The following RPRD1A variants were observed in gnomAD, a reference collection of about 807,000 sequenced individuals.
The protein encoded by RPRD1A is regulation of nuclear pre-mRNA domain-containing protein 1A.
Under a neutral mutation model 37.8 loss-of-function variants are expected in RPRD1A, and 9 were observed. The observed-to-expected ratio is 0.24, with a 90% CI of 0.14 to 0.42. The LOEUF is 0.42. Ranked by LOEUF, RPRD1A falls within the 10% of genes least tolerant of loss-of-function variation. The pLI is 1.00. For synonymous variants in RPRD1A, 138 were observed against 139.7 expected, an observed-to-expected ratio of 0.99 and a Z score of 0.08; for missense variants, 255 against 371.0, an observed-to-expected ratio of 0.69 and a Z score of 2.57.
chr18:36,045,426 G>A (rs949015237), intron 1 of RPRD1A, among the ~76,000 whole-genome samples: 7 of 152,132 alleles, frequency 4.6e-5, no homozygotes, highest in Non-Finnish European at 8.8e-5. Context: ...AAGAAAGCTT[G>A]TTAAAACAGA....
intron 6 of RPRD1A, among the ~76,000 whole-genome samples, chr18:36,003,692 T>C (rs1012338125): frequency 6.6e-6 from 1 of 152,236 alleles, no homozygotes; most frequent in Non-Finnish European, 1.5e-5. Flanking sequence ...AAAACTTCCA[T>C]ATTCTGCTCT....
intron 1 of RPRD1A, among the ~76,000 whole-genome samples, chr18:36,051,990 C>T (rs1913427827): frequency 6.6e-6 from 1 of 152,020 alleles, no homozygotes; most frequent in African/African-American, 2.4e-5. Flanking sequence ...TAACAAACTT[C>T]AAGCAAGATA....
At chr18:35,995,826 T>C (rs1201016329) in intron 6 of RPRD1A, among the ~76,000 whole-genome samples, 1 of 152,218 alleles carries the variant, frequency 6.6e-6, no homozygotes, top group Non-Finnish European at 1.5e-5. Context: ...TTGACAGTAT[T>C]TCCTTTGACA....
rs1406213229 is a variant in RPRD1A at position 35,990,771 on chromosome 18, A to G, written c.*2380T>C. 6.6e-6 allele frequency: 1 copy of G among 152,118 alleles called. No individual in the cohort carries two copies. The highest frequency in any genetic ancestry group is 1.5e-5 in the Non-Finnish European group (1 of 68,016). 9.4% of individuals were successfully genotyped at this position (152,118 alleles called of 1,614,324 possible). On this transcript the variant is annotated 3_prime_UTR_variant, in exon 7 of 7. Transcript: ENST00000399022. ...TTTGGTATTATAATACCCCCAACTA[A>G]TCCCATTTCTTGAGAAAATGAAGTC...
chr18:36,005,150 A>C (rs1420889583), intron 6 of RPRD1A, among the ~76,000 whole-genome samples: 2 of 151,928 alleles, frequency 1.3e-5, no homozygotes, highest in African/African-American at 4.8e-5. Context: ...AAATACAAAA[A>C]ATTCTCTGGG....
At chr18:36,023,693 C>T (rs1484991564) in intron 6 of RPRD1A, among the ~76,000 whole-genome samples, 1 of 152,278 alleles carries the variant, frequency 6.6e-6, no homozygotes, top group East Asian at 1.9e-4. Context: ...ACTGCCATAG[C>T]CACATCCTTC....
chr18:36,035,905 T>C (rs1302056899), intron 1 of RPRD1A, among the ~76,000 whole-genome samples: 2 of 151,070 alleles, frequency 1.3e-5, no homozygotes, highest in Non-Finnish European at 2.9e-5. Context: ...AAAAAAAGAG[T>C]AGAAGGATAG....
intron 6 of RPRD1A, chr18:36,026,698 C>A: frequency 7.0e-6 from 3 of 427,306 alleles, no homozygotes; most frequent in Admixed American, 3.9e-5. Flanking sequence ...TTGCTAATTC[C>A]AAATTTCTAA....
At chr18:36,039,211 G>A (rs1912412026) in intron 1 of RPRD1A, among the ~76,000 whole-genome samples, 1 of 152,154 alleles carries the variant, frequency 6.6e-6, no homozygotes, top group South Asian at 2.1e-4. Context: ...GGGGCCTGGT[G>A]GGTGCCATGA....
At chr18:36,006,982 T>A (rs1909786167) in intron 6 of RPRD1A, among the ~76,000 whole-genome samples, 1 of 152,220 alleles carries the variant, frequency 6.6e-6, no homozygotes, top group African/African-American at 2.4e-5. Flanking sequence ...TGAATAAAGC[T>A]GTATTATGTG....
intron 2 of RPRD1A, among the ~76,000 whole-genome samples, chr18:36,033,377 G>C (rs984170692): frequency 6.7e-6 from 1 of 148,154 alleles, no homozygotes; most frequent in Non-Finnish European, 1.5e-5. Flanking sequence ...AAGACTGATA[G>C]CTTTATAAAC....
At chr18:36,061,768 T>C (rs1329461042) in intron 1 of RPRD1A, among the ~76,000 whole-genome samples, 1 of 152,152 alleles carries the variant, frequency 6.6e-6, no homozygotes, top group Non-Finnish European at 1.5e-5. Context: ...GTACCTAGAA[T>C]ACATTGGGAA....
At chr18:36,044,164 G>A (rs975229721) in intron 1 of RPRD1A, among the ~76,000 whole-genome samples, 9 of 152,096 alleles carry the variant, frequency 5.9e-5, no homozygotes, top group South Asian at 2.1e-4. Flanking sequence ...GAAGAGGAGC[G>A]GTTGGTCTTG....
chr18:36,030,542 T>C (rs1014041686), intron 4 of RPRD1A, among the ~76,000 whole-genome samples: 18 of 152,228 alleles, frequency 1.2e-4, no homozygotes, highest in African/African-American at 4.3e-4. Flanking sequence ...AAAGTTTAAA[T>C]AGCTAACATC....
chr18:35,997,964 T>C (rs1047383805), intron 6 of RPRD1A, among the ~76,000 whole-genome samples: 1 of 152,242 alleles, frequency 6.6e-6, no homozygotes, highest in East Asian at 1.9e-4. Flanking sequence ...TTACATAATA[T>C]TTAAATCAAC....
intron 1 of RPRD1A, among the ~76,000 whole-genome samples, chr18:36,061,026 T>G (rs2088898079): frequency 6.6e-6 from 1 of 151,996 alleles, no homozygotes; most frequent in African/African-American, 2.4e-5. Flanking sequence ...ATTTCCAGGT[T>G]TGGCTCTTTG....
At position 36,033,827 on chromosome 18, in the gene RPRD1A, G is replaced by T. The variant is rs1911991016; in HGVS notation, c.162C>A (p.Asn54Lys). 6.2e-7 allele frequency: 1 copy of T among 1,603,106 alleles called. No individual in the cohort carries two copies. ...WERELRKAKP[N>K]RKLTFLYLAN... ...CTAGGTAGAGAAAAGTAAGCTTCCT[G>T]TTTGGTTTGGCTGAAAAATAAGAAA... Residue 54 changes from asparagine to lysine, a missense_variant, in exon 2 of 7, where the codon AAC becomes AAA. Asn to Lys is a moderately conservative substitution (Grantham distance 94). This residue lies in a region of RPRD1A where 44 missense variants were observed against 102.1 expected (regional missense o/e 0.43). Transcript: ENST00000399022.
Position 36,042,160 on chromosome 18 carries a change from T to A in RPRD1A, c.152-8323A>T, listed in dbSNP as rs1374894747. ...TCCAAGTTCCCCAACTCCTACCATATTTTAGACCTCAGTTAAATGGGTTCC... is the reference window on the plus strand; with the variant it reads ...TCCAAGTTCCCCAACTCCTACCATAATTTAGACCTCAGTTAAATGGGTTCC... On this transcript the variant is annotated intron_variant, in intron 1 of 6. Transcript: ENST00000399022. Among the ~76,000 whole-genome samples, 4 of 152,336 alleles carry A rather than the reference T, an allele frequency of 2.6e-5. No individual in the cohort carries two copies. In the East Asian group the frequency reaches 7.7e-4, roughly 29 times the overall value.
intron 1 of RPRD1A, among the ~76,000 whole-genome samples, chr18:36,043,656 T>C (rs1455655458): frequency 6.6e-6 from 1 of 152,206 alleles, no homozygotes; most frequent in Non-Finnish European, 1.5e-5. Context: ...ATTACACTTC[T>C]AGAATGAAAT....
Sources: allele counts gnomAD v4.1 joint callset (sites outside exome capture counted in the v4.1 genomes callset), GRCh38; gene constraint gnomAD v4.1.1; regional missense constraint gnomAD v4.1.1; transcripts MANE v1.5; gene names NCBI Gene and HGNC (gene_info 2026-07-23, HGNC 2026-07-21).